The following SPTBN1 variants were observed in gnomAD, a reference collection of about 807,000 sequenced individuals.
The protein encoded by SPTBN1 is spectrin beta chain, non-erythrocytic 1.
SPTBN1 carries 32 observed loss-of-function variants against 266.4 expected under a neutral mutation model. The observed-to-expected ratio is 0.12, with a 90% CI of 0.09 to 0.16. The LOEUF is 0.16. SPTBN1 is among the 10% of genes least tolerant of loss of function. The pLI is 1.00. For missense variants in SPTBN1, 2,296 were observed against 3,067.1 expected (o/e 0.75, Z 5.94); for synonymous variants, 1,336 against 1,162.2 (o/e 1.15, Z -3.04).
intron 1 of SPTBN1, among the ~76,000 whole-genome samples, chr2:54,520,818 T>C (rs1670393237): frequency 6.6e-6 from 1 of 152,098 alleles, no homozygotes; most frequent in African/African-American, 2.4e-5. Flanking sequence ...GAGCTCCTAC[T>C]GTGGTGAGCA....
At position 54,664,234 on chromosome 2, in the gene SPTBN1, G is replaced by A. The variant is rs541722164; in HGVS notation, c.6421-219G>A. 6.9e-5 allele frequency: 37 copies of A among 537,014 alleles called. No homozygotes were observed. The highest frequency in any genetic ancestry group is 5.5e-4 in the Admixed American group (18 of 32,664). 33.3% of individuals were successfully genotyped at this position (537,014 alleles called of 1,614,324 possible). A position where few individuals can be genotyped will look rare whatever the true frequency, so the allele number is the denominator to read the frequency against. On this transcript the variant is annotated intron_variant, in intron 32 of 35. Coordinates refer to ENST00000356805, the MANE Select transcript of SPTBN1 (RefSeq NM_003128.3). This position sits in a 1 kb window ranked among gnomAD's most constrained non-coding sequence, Gnocchi z 5.6. ...GCAGTAAAACTCATACTGGCATTTC[G>A]CTTTTCTCATTTCCCTGTAAATGGG...
intron 17 of SPTBN1, among the ~76,000 whole-genome samples, chr2:54,636,067 G>A (rs1368829920): frequency 2.0e-5 from 3 of 152,116 alleles, no homozygotes; most frequent in Non-Finnish European, 4.4e-5. Flanking sequence ...GAAAACTACT[G>A]CCCTTAATCC....
At chr2:54,475,962 G>T (rs1667803390) in intron 1 of SPTBN1, among the ~76,000 whole-genome samples, 1 of 152,172 alleles carries the variant, frequency 6.6e-6, no homozygotes, top group Admixed American at 6.5e-5. Context: ...GGCCTTAAAG[G>T]TTCATTCTTG....
intron 1 of SPTBN1, among the ~76,000 whole-genome samples, chr2:54,458,601 C>T (rs993482295): frequency 7.9e-5 from 12 of 152,136 alleles, no homozygotes; most frequent in Non-Finnish European, 1.6e-4. Flanking sequence ...GAAGGGCAGA[C>T]CACCAAGGCC....
chr2:54,647,307 CAGTT>C lies in SPTBN1; in HGVS notation c.4997+49_4997+52del, dbSNP rs776245612. Reference sequence around the variant, plus strand: ...GTGAGACCCGGCTCTCGATTCCTCTCAGTTAGGGTCTCTTGCTAACCCCCACCAA... The same window carrying C: ...GTGAGACCCGGCTCTCGATTCCTCTCAGGGTCTCTTGCTAACCCCCACCAA... On this transcript the variant is annotated intron_variant, in intron 24 of 35. Transcript: ENST00000356805. 9 of 1,599,952 alleles carry C rather than the reference CAGTT, an allele frequency of 5.6e-6. No individual in the cohort carries two copies. In the East Asian group the frequency reaches 6.7e-5, roughly 12 times the overall value.
chr2:54,490,258 G>A (rs1240966418), intron 1 of SPTBN1, among the ~76,000 whole-genome samples: 2 of 152,058 alleles, frequency 1.3e-5, no homozygotes, highest in Non-Finnish European at 2.9e-5. Context: ...TTTTAGTAGA[G>A]ACAGGGTTTC....
intron 9 of SPTBN1, among the ~76,000 whole-genome samples, 179 bp downstream of exon 9, chr2:54,622,666 T>C (rs1238773001): frequency 6.6e-6 from 1 of 152,278 alleles, no homozygotes; most frequent in Non-Finnish European, 1.5e-5. Flanking sequence ...ATGCTCTCTC[T>C]GAGCCCTTCC....
Position 54,628,909 on chromosome 2 carries a change from C to T in SPTBN1, c.1799-24C>T, listed in dbSNP as rs764688871. ...CATGCTGAGCTCCCTCACACAGCCA[C>T]GTTCCTTCCTTGATGTTAAACAGGT... On this transcript the variant is annotated intron_variant, in intron 13 of 35. Transcript: ENST00000356805. The surrounding 1 kb of genome is among the most constrained non-coding windows in gnomAD (Gnocchi z 4.3). The T allele has an allele frequency of 2.2e-5, 34 of 1,557,672 alleles. No homozygotes were observed. The highest frequency in any genetic ancestry group is 6.8e-5 in the African/African-American group (5 of 73,254).
At chr2:54,608,619 C>T (rs1677007049) in intron 3 of SPTBN1, among the ~76,000 whole-genome samples, 1 of 151,966 alleles carries the variant, frequency 6.6e-6, no homozygotes, top group Non-Finnish European at 1.5e-5. Flanking sequence ...AGGATGGAGC[C>T]AGATGGGCGA....
intron 7 of SPTBN1, 140 bp from the exon 8 acceptor site, chr2:54,621,260 C>T (rs573181769): frequency 1.3e-5 from 7 of 553,612 alleles, no homozygotes; most frequent in African/African-American, 7.6e-5. Context: ...AATTAATGCA[C>T]GGATGGCAGA....
At chr2:54,633,576 C>T (rs1678911281) in intron 17 of SPTBN1, among the ~76,000 whole-genome samples, 1 of 152,182 alleles carries the variant, frequency 6.6e-6, no homozygotes, top group Non-Finnish European at 1.5e-5. Context: ...GGGTTGGATG[C>T]ACTAGCACAG....
At position 54,668,469 on chromosome 2, in the gene SPTBN1, G is replaced by C; in HGVS notation, c.6995G>C (p.Ser2332Thr). The change falls in exon 36 of 36, where the codon AGC becomes ACC. Residue 2332 changes from serine (S) to threonine (T), a missense_variant. Ser to Thr is a moderately conservative substitution (Grantham distance 58, BLOSUM62 1). Transcript: ENST00000356805. ...AGCCGCGCGCAGACCCTCCCCACCA[G>C]CGTCGTCACCATCACCAGCGAGTCC... ...ASSRAQTLPT[S>T]VVTITSESSP... The C allele has an allele frequency of 6.2e-7, 1 of 1,614,226 alleles. No individual in the cohort carries two copies. The highest frequency in any genetic ancestry group is 8.5e-7 in the Non-Finnish European group (1 of 1,180,046).
intron 3 of SPTBN1, among the ~76,000 whole-genome samples, chr2:54,600,010 G>A (rs1441259991): frequency 2.0e-5 from 3 of 152,148 alleles, no homozygotes; most frequent in Non-Finnish European, 2.9e-5. Flanking sequence ...AAGTGGTGCC[G>A]AGCCAGAAGC....
intron 2 of SPTBN1, chr2:54,545,426 CTT>C (rs1329100716): frequency 6.6e-6 from 1 of 152,138 alleles, no homozygotes; most frequent in Non-Finnish European, 1.5e-5. Flanking sequence ...ACGGAGTAAA[CTT>C]TCATTTAAGG....
intron 7 of SPTBN1, among the ~76,000 whole-genome samples, chr2:54,619,535 T>C (rs1221204377): frequency 2.0e-5 from 3 of 152,200 alleles, no homozygotes; most frequent in African/African-American, 7.2e-5. Flanking sequence ...GAGCTAAAAA[T>C]GGCAGCTGAT....
chr2:54,457,621 A>G (rs2103765443), intron 1 of SPTBN1, among the ~76,000 whole-genome samples: 1 of 152,298 alleles, frequency 6.6e-6, no homozygotes, highest in Admixed American at 6.5e-5. Context: ...GATGCAGCAC[A>G]ATGCAGCAGT....
At chr2:54,504,191 T>C (rs544318579) in intron 1 of SPTBN1, among the ~76,000 whole-genome samples, 1 of 152,310 alleles carries the variant, frequency 6.6e-6, no homozygotes, top group African/African-American at 2.4e-5. Flanking sequence ...CTCCCCTCCT[T>C]CCAACCTGAA....
At position 54,669,975 on chromosome 2, in the gene SPTBN1, T is replaced by C. The variant is rs370616560; in HGVS notation, c.*1406T>C. On this transcript the variant is annotated 3_prime_UTR_variant, in exon 36 of 36. Coordinates refer to ENST00000356805, the MANE Select transcript of SPTBN1 (RefSeq NM_003128.3). ...TTGTTCTGTAAAGGGACAGAGATAG[T>C]AAATATTTTAGGCTTTGTAGGCCGT... 9 of 152,356 alleles carry C rather than the reference T, an allele frequency of 5.9e-5. No individual in the cohort carries two copies. Among genetic ancestry groups the C allele is most frequent in the African/African-American group, 2.2e-4 (9 of 41,586 alleles). The allele number at this position is 152,356 out of a possible 1,614,324, so 9.4% of individuals were successfully genotyped here.
chr2:54,625,991 T>C lies in SPTBN1; in HGVS notation c.1401T>C (p.Ile467=). ...VEAATKKHEA[I]ETDIAAYEER... is the part of the protein sequence containing the mutation. The stretch of plus-strand genomic sequence containing the variant: ...CCGCCACAAAAAAGCACGAGGCCAT[T>C]GAGACAGACATTGCCGCATACGAGG... The change falls in exon 12 of 36, where the codon ATT becomes ATC. Residue 467 remains isoleucine, a synonymous_variant. Transcript: ENST00000356805. The C allele has an allele frequency of 6.2e-7, 1 of 1,614,116 alleles. No individual in the cohort carries two copies.
Sources: gnomAD v4.1 joint callset for allele counts (sites outside exome capture counted in the v4.1 genomes callset) on GRCh38, gnomAD v4.1.1 for gene constraint, Gnocchi (gnomAD v3.1) non-coding constraint, MANE v1.5 for transcripts, NCBI Gene and HGNC (gene_info 2026-07-23, HGNC 2026-07-21) for gene names.